The following GRAMD4 variants were observed in gnomAD, a reference collection of about 807,000 sequenced individuals.
The protein encoded by GRAMD4 is GRAM domain containing 4, also known as GRAM domain-containing protein 4.
A neutral mutation model predicts 83.9 loss-of-function variants in GRAMD4; 25 were observed. The observed-to-expected ratio is 0.30, with a 90% CI of 0.22 to 0.42. GRAMD4 has a LOEUF of 0.42. GRAMD4 is among the 10% of genes least tolerant of loss of function. The probability of loss-of-function intolerance (pLI) is 1.00; values close to 1 mark genes in which losing one functional copy is unlikely to be tolerated. For missense variants in GRAMD4, 593 were observed against 788.7 expected (o/e 0.75, Z 2.97); for synonymous variants, 336 against 320.9 (o/e 1.05, Z -0.50).
chr22:46,658,136 G>A lies in GRAMD4; in HGVS notation c.284-51G>A, dbSNP rs569191175. 122 of 1,610,420 alleles carry A rather than the reference G, an allele frequency of 7.6e-5. No homozygotes were observed. The East Asian group carries it at 1.5e-3, about 19-fold the overall frequency. Reference sequence around the variant, plus strand: ...ACCCCTGCCCCAGCATCCCAGAGTCGGGGTCGCGTGGACATGAGCGATGGT... The same window carrying A: ...ACCCCTGCCCCAGCATCCCAGAGTCAGGGTCGCGTGGACATGAGCGATGGT... On this transcript the variant is annotated intron_variant, in intron 3 of 18. Transcript: ENST00000406902.
At chr22:46,663,905 G>A in intron 7 of GRAMD4, 42 bp downstream of exon 7, 3 of 1,609,254 alleles carry the variant, frequency 1.9e-6, no homozygotes, top group Non-Finnish European at 2.6e-6. Context: ...GATGCTCAGT[G>A]TGGGTGGGGC....
In GRAMD4 at chr22:46,622,339, G is replaced by A. The variant is rs1349224819; in HGVS notation, c.-50+1774G>A. On this transcript the variant is annotated intron_variant, in intron 1 of 18. Coordinates refer to ENST00000406902, the MANE Select transcript of GRAMD4 (RefSeq NM_015124.5). The surrounding 1 kb of genome is among the most constrained non-coding windows in gnomAD (Gnocchi z 4.0). ...ACAGGGCCTGCAGGCCCCAGCGCCC[G>A]GGTCATCCCCTCCGCTTCCCTCTCA... is the stretch of plus-strand genomic sequence containing the variant. 2.6e-5 allele frequency among the ~76,000 whole-genome samples: 4 copies of A among 152,188 alleles called. No individual in the cohort carries two copies. Among genetic ancestry groups the A allele is most frequent in the Non-Finnish European group, 5.9e-5 (4 of 68,032 alleles).
chr22:46,583,949 T>C lies in GRAMD4; in HGVS notation c.-50+6659T>C, dbSNP rs557941237. ...CTGTGTCACTGATGTGGCCTTCTTC[T>C]TCAGGGGGGTCTGTCTCTTCTCCCC... On this transcript the variant is annotated intron_variant, in intron 1 of 1. Transcript: ENST00000431155. Among the ~76,000 whole-genome samples, 153 of 152,330 alleles carry C rather than the reference T, an allele frequency of 1.0e-3. No homozygotes were observed. The Middle Eastern group carries it at 0.017, about 17-fold the overall frequency.
upstream of GRAMD4, among the ~76,000 whole-genome samples, chr22:46,618,141 A>T (rs549091515): frequency 6.6e-6 from 1 of 151,118 alleles, no homozygotes; most frequent in East Asian, 1.9e-4. The surrounding 1 kb of genome is among the most constrained non-coding windows in gnomAD (Gnocchi z 5.8). Flanking sequence ...CACTCTCTGA[A>T]CAAGTGTTTG....
At chr22:46,579,720 A>G (rs1194152347) in intron 1 of GRAMD4, among the ~76,000 whole-genome samples, 1 of 151,758 alleles carries the variant, frequency 6.6e-6, no homozygotes, top group African/African-American at 2.4e-5. Flanking sequence ...CTGTTTGGGT[A>G]TTTCTCTCCG....
intron 1 of GRAMD4, among the ~76,000 whole-genome samples, chr22:46,584,518 G>A (rs1161735445): frequency 2.0e-5 from 3 of 152,084 alleles, no homozygotes; most frequent in Admixed American, 6.5e-5. Context: ...CAAGCAGCAG[G>A]AAGCCAGACT....
At chr22:46,607,638 T>C (rs138533) in intron 1 of GRAMD4, among the ~76,000 whole-genome samples, 115,796 of 152,146 alleles carry the variant, frequency 0.76, 45,787 homozygotes, top group East Asian at 1. Flanking sequence ...CCCGCACCAG[T>C]CCCAGCCACC....
intron 1 of GRAMD4, chr22:46,577,396 C>CCCGGCGCCG (rs2081052569): frequency 6.7e-6 from 2 of 297,754 alleles, no homozygotes; most frequent in South Asian, 2.5e-4. Flanking sequence ...CCGCGCTCTC[C>CCCGGCGCCG]CCGCCGCCGC....
upstream of GRAMD4, among the ~76,000 whole-genome samples, chr22:46,615,722 G>C: frequency 1.7e-5 from 1 of 58,328 alleles, no homozygotes; most frequent in Non-Finnish European, 3.5e-5. Context: ...GTGCGTGTAG[G>C]TTCCCCCGTG....
intron 1 of GRAMD4, among the ~76,000 whole-genome samples, chr22:46,585,102 A>G (rs191492561): frequency 7.9e-5 from 12 of 152,106 alleles, no homozygotes; most frequent in Non-Finnish European, 1.6e-4. Context: ...AGAGAGAACC[A>G]GGTGGTCACT....
chr22:46,662,224 G>T (rs1411374048), intron 5 of GRAMD4, among the ~76,000 whole-genome samples: 1 of 152,198 alleles, frequency 6.6e-6, no homozygotes, highest in South Asian at 2.1e-4. Context: ...CCCTGCCCGG[G>T]TGGCCTTGGG....
In GRAMD4 at chr22:46,594,071, C is replaced by T. The variant is rs140073256; in HGVS notation, c.-50+16781C>T. On this transcript the variant is annotated intron_variant, in intron 1 of 1. Coordinates refer to the GRAMD4 transcript ENST00000431155. The stretch of plus-strand genomic sequence containing the variant: ...ATGTAATGGGAACCTCTGGGCTCAC[C>T]GTCAAGCAGAAGCCAGCCTTGATAC... Among the ~76,000 whole-genome samples, 737 of 151,696 alleles carry T rather than the reference C, an allele frequency of 4.9e-3. 5 individuals carry two copies. The highest frequency in any genetic ancestry group is 0.017 in the African/African-American group (709 of 41,336).
Position 46,670,883 on chromosome 22 carries a change from G to A in GRAMD4, c.1085-1960G>A, listed in dbSNP as rs972041198. 1.1e-4 allele frequency among the ~76,000 whole-genome samples: 17 copies of A among 151,596 alleles called. No individual in the cohort carries two copies. In the South Asian group the frequency reaches 1.9e-3, roughly 17 times the overall value. ...CTCCCAAAGTGCTAGGATTCCAGGC[G>A]TGAGCCACTGCGCCCGGCCCCTGCT... On this transcript the variant is annotated intron_variant, in intron 13 of 18. Coordinates refer to ENST00000406902, the MANE Select transcript of GRAMD4 (RefSeq NM_015124.5).
At chr22:46,632,326 C>T (rs994043169) in intron 2 of GRAMD4, among the ~76,000 whole-genome samples, 3 of 152,164 alleles carry the variant, frequency 2.0e-5, no homozygotes, top group Non-Finnish European at 2.9e-5. Context: ...GGGTGACCCC[C>T]GACCAGGAGG....
At chr22:46,673,018 C>G in intron 14 of GRAMD4, 21 bp downstream of exon 14, 1 of 1,543,392 alleles carries the variant, frequency 6.5e-7, no homozygotes, top group South Asian at 1.2e-5. Context: ...CCCCCAGCTG[C>G]GGGGATGGGG....
chr22:46,584,520 A>T (rs1319581827), intron 1 of GRAMD4, among the ~76,000 whole-genome samples: 1 of 152,072 alleles, frequency 6.6e-6, no homozygotes, highest in East Asian at 1.9e-4. Flanking sequence ...AGCAGCAGGA[A>T]GCCAGACTCC....
chr22:46,644,833 A>G (rs2082049291), intron 3 of GRAMD4, among the ~76,000 whole-genome samples: 1 of 147,820 alleles, frequency 6.8e-6, no homozygotes, highest in Non-Finnish European at 1.5e-5. Flanking sequence ...CCCAGGCTCA[A>G]GCAATCCTCC....
At chr22:46,590,355 C>G (rs1477308263) in intron 1 of GRAMD4, among the ~76,000 whole-genome samples, 6 of 152,168 alleles carry the variant, frequency 3.9e-5, no homozygotes, top group Non-Finnish European at 8.8e-5. Flanking sequence ...TACTGGGGAC[C>G]TCTCCCAGTG....
At chr22:46,680,833 T>G (rs1432653919), downstream of GRAMD4, among the ~76,000 whole-genome samples, 1 of 100,978 alleles carries the variant, frequency 9.9e-6, no homozygotes, top group Admixed American at 9.8e-5. Flanking sequence ...CATCCATCCA[T>G]CCATCCATCC....
Sources: gnomAD v4.1 joint callset for allele counts (sites outside exome capture counted in the v4.1 genomes callset) on GRCh38, gnomAD v4.1.1 for gene constraint, Gnocchi (gnomAD v3.1) non-coding constraint, MANE v1.5 for transcripts, NCBI Gene and HGNC (gene_info 2026-07-23, HGNC 2026-07-21) for gene names.